The following E2F5 variants were observed in gnomAD, a reference collection of about 807,000 sequenced individuals.
The protein encoded by E2F5 is transcription factor E2F5.
Under a neutral mutation model 39.1 loss-of-function variants are expected in E2F5, and 23 were observed. That is an observed-to-expected ratio of 0.59 (90% CI 0.42 to 0.83). The LOEUF (loss-of-function observed/expected upper bound fraction) is 0.83. Ranked by LOEUF, E2F5 falls within the 40% of genes least tolerant of loss-of-function variation. The probability of loss-of-function intolerance (pLI) is 0.00; values close to 1 mark genes in which losing one functional copy is unlikely to be tolerated. For synonymous variants in E2F5, 145 were observed against 157.8 expected, an observed-to-expected ratio of 0.92 and a Z score of 0.61; for missense variants, 365 against 406.7, an observed-to-expected ratio of 0.90 and a Z score of 0.88.
intron 1 of E2F5, among the ~76,000 whole-genome samples, chr8:85,184,749 A>G (rs1203027672): frequency 6.6e-6 from 1 of 152,156 alleles, no homozygotes; most frequent in East Asian, 1.9e-4. Context: ...TCATGAGTGG[A>G]CTCCCATTCA....
intron 1 of E2F5, among the ~76,000 whole-genome samples, chr8:85,193,444 C>G (rs1226724453): frequency 6.6e-6 from 1 of 152,132 alleles, no homozygotes; most frequent in Non-Finnish European, 1.5e-5. Flanking sequence ...GATCATGCCA[C>G]TGCACTCCAG....
At chr8:85,206,496 G>T (rs569704800) in intron 4 of E2F5, among the ~76,000 whole-genome samples, 1 of 152,162 alleles carries the variant, frequency 6.6e-6, no homozygotes, top group African/African-American at 2.4e-5. Flanking sequence ...AAATCAGAGC[G>T]GGATTAAGCA....
intron 1 of E2F5, among the ~76,000 whole-genome samples, chr8:85,200,104 A>G (rs912537899): frequency 1.3e-5 from 2 of 152,078 alleles, no homozygotes; most frequent in African/African-American, 4.8e-5. Context: ...AAAATTAGCC[A>G]GTCGTGGTGG....
At chr8:85,213,725 T>C (rs769543894) in intron 7 of E2F5, 28 bp from the exon 8 acceptor site, 1 of 1,242,072 alleles carries the variant, frequency 8.1e-7, no homozygotes, top group Non-Finnish European at 1.2e-6. Context: ...AAACCATCTT[T>C]AACACTAAAT....
At chr8:85,193,050 TAGAG>T (rs1055243805) in intron 1 of E2F5, among the ~76,000 whole-genome samples, 111 of 152,356 alleles carry the variant, frequency 7.3e-4, no homozygotes, top group Middle Eastern at 6.8e-3. Flanking sequence ...GACAGATACA[TAGAG>T]AGATGGATAC....
chr8:85,214,184 G>A lies in E2F5; in HGVS notation c.*322G>A. 1 of 536,094 alleles carries A rather than the reference G, an allele frequency of 1.9e-6. No homozygotes were observed. Among genetic ancestry groups the A allele is most frequent in the Non-Finnish European group, 3.6e-6 (1 of 280,376 alleles). 33.2% of individuals were successfully genotyped at this position (536,094 alleles called of 1,614,324 possible). On this transcript the variant is annotated 3_prime_UTR_variant, in exon 8 of 8. Coordinates refer to ENST00000416274, the MANE Select transcript of E2F5 (RefSeq NM_001951.4). ...GGAGGAAAGTTAAAGGACACTACAG[G>A]TCATCAAAAACAAGTTGGCCAAGGA...
chr8:85,180,535 T>C (rs1462315039), intron 1 of E2F5, among the ~76,000 whole-genome samples: 1 of 124,712 alleles, frequency 8.0e-6, no homozygotes, highest in Non-Finnish European at 1.7e-5. Context: ...TATATATATA[T>C]ATATATATAT....
chr8:85,177,779 C>T, intron 1 of E2F5, 125 bp downstream of exon 1: 1 of 1,144,552 alleles, frequency 8.7e-7, no homozygotes, highest in East Asian at 4.1e-5. Flanking sequence ...CGGGACCGGG[C>T]AATCCGAGGA....
chr8:85,181,442 T>C lies in E2F5; in HGVS notation c.234+3788T>C, dbSNP rs1459191382. Among the ~76,000 whole-genome samples the C allele has an allele frequency of 2.7e-5, 4 of 150,862 alleles. No individual in the cohort carries two copies. The East Asian group carries it at 7.9e-4, about 30-fold the overall frequency. ...GCCTCCTGGGTTCACGCCATTCTCC[T>C]GCCTCAGGCTCCTGAGTAGCTGGGA... On this transcript the variant is annotated intron_variant, in intron 1 of 7. Transcript: ENST00000416274.
chr8:85,179,482 A>G (rs1405641633), intron 1 of E2F5, among the ~76,000 whole-genome samples: 1 of 152,066 alleles, frequency 6.6e-6, no homozygotes, highest in African/African-American at 2.4e-5. Flanking sequence ...TCATTCTGGA[A>G]CTCTCCTAAA....
chr8:85,189,688 C>T (rs1476300396), intron 1 of E2F5, among the ~76,000 whole-genome samples: 1 of 152,174 alleles, frequency 6.6e-6, no homozygotes, highest in East Asian at 1.9e-4. Context: ...AAATTGTAAA[C>T]ATGATTTATA....
chr8:85,213,789 A>T lies in E2F5; in HGVS notation c.968A>T (p.Asp323Val), dbSNP rs750157413. The change falls in exon 8 of 8, where the codon GAT (aspartate) becomes GTT (valine). Residue 323 changes from aspartate (D) to valine (V), a missense_variant. By Grantham distance (152) the Asp-to-Val change is radical. Transcript: ENST00000416274. ...TTAAGGCTTTCTCCTACCCCGGCAG[A>T]TGACTACAACTTTAATTTAGATGAT... ...PLLRLSPTPA[D>V]DYNFNLDDNE... The T allele has an allele frequency of 3.1e-6, 5 of 1,613,412 alleles. No individual in the cohort carries two copies. The highest frequency in any genetic ancestry group is 3.4e-6 in the Non-Finnish European group (4 of 1,179,608).
chr8:85,193,445 T>C (rs1034659586), intron 1 of E2F5, among the ~76,000 whole-genome samples: 3 of 152,174 alleles, frequency 2.0e-5, no homozygotes, highest in Non-Finnish European at 4.4e-5. Context: ...ATCATGCCAC[T>C]GCACTCCAGC....
intron 1 of E2F5, among the ~76,000 whole-genome samples, chr8:85,194,038 C>CT (rs976134502): frequency 6.6e-6 from 1 of 151,894 alleles, no homozygotes; most frequent in African/African-American, 2.4e-5. Context: ...AGAATGGTAA[C>CT]TTTTTTTGTT....
intron 5 of E2F5, among the ~76,000 whole-genome samples, chr8:85,208,905 CAG>C (rs576411419): frequency 1.7e-3 from 266 of 152,228 alleles, no homozygotes; most frequent in African/African-American, 6.0e-3. Context: ...AATTCTACAA[CAG>C]AGAGTTTCTA....
chr8:85,179,899 A>T (rs1212068698), intron 1 of E2F5, among the ~76,000 whole-genome samples: 1 of 152,194 alleles, frequency 6.6e-6, no homozygotes, highest in Non-Finnish European at 1.5e-5. Flanking sequence ...TGACCTTGTG[A>T]TCCACGCGCC....
intron 3 of E2F5, among the ~76,000 whole-genome samples, chr8:85,204,267 A>G (rs2129729434): frequency 6.6e-6 from 1 of 152,152 alleles, no homozygotes; most frequent in South Asian, 2.1e-4. Flanking sequence ...TATGTGTGAT[A>G]TATATAAAGT....
At chr8:85,186,587 A>G (rs1229022685) in intron 1 of E2F5, among the ~76,000 whole-genome samples, 1 of 148,234 alleles carries the variant, frequency 6.7e-6, no homozygotes, top group Non-Finnish European at 1.5e-5. Flanking sequence ...GTGTATATAT[A>G]TGATATATAT....
At chr8:85,209,005 G>A in intron 5 of E2F5, 137 bp from the exon 6 acceptor site, 1 of 855,956 alleles carries the variant, frequency 1.2e-6, no homozygotes, top group Non-Finnish European at 1.8e-6. Context: ...CTCTACTTTT[G>A]TGTTTTGACT....
Sources: allele counts gnomAD v4.1 joint callset (sites outside exome capture counted in the v4.1 genomes callset), GRCh38; gene constraint gnomAD v4.1.1; transcripts MANE v1.5; gene names NCBI Gene and HGNC (gene_info 2026-07-23, HGNC 2026-07-21).